MAST4: variants seen among roughly 807,000 people sequenced by gnomAD.
MAST4 encodes microtubule associated serine/threonine kinase family member 4.
MAST4 carries 89 observed loss-of-function variants against 162.7 expected under a neutral mutation model. The observed-to-expected ratio is 0.55, with a 90% CI of 0.46 to 0.65. The LOEUF is 0.65. MAST4 is among the 30% of genes least tolerant of loss of function. The pLI, the probability that MAST4 is intolerant of heterozygous loss-of-function variation, is 0.00. For missense variants in MAST4, 3,153 were observed against 3,374.0 expected (o/e 0.93, Z 1.62); for synonymous variants, 1,479 against 1,361.1 (o/e 1.09, Z -1.91).
At chr5:67,154,076 G>C (rs1488790815) in intron 26 of MAST4, among the ~76,000 whole-genome samples, 2 of 152,314 alleles carry the variant, frequency 1.3e-5, no homozygotes, top group East Asian at 3.9e-4. Flanking sequence ...AGAAGTTCTA[G>C]CAATTATTAG....
intron 4 of MAST4, among the ~76,000 whole-genome samples, chr5:66,950,753 A>G (rs1358094103): frequency 1.3e-5 from 2 of 152,160 alleles, no homozygotes; most frequent in African/African-American, 4.8e-5. Context: ...GAAAATGGGT[A>G]TATACATATC....
intron 15 of MAST4, among the ~76,000 whole-genome samples, chr5:67,130,693 G>T (rs972987389): frequency 2.0e-5 from 3 of 152,124 alleles, no homozygotes; most frequent in East Asian, 1.9e-4. Flanking sequence ...GGTCATTAAA[G>T]TTGGAATATA....
intron 4 of MAST4, among the ~76,000 whole-genome samples, chr5:66,989,395 G>T (rs1047713686): frequency 6.6e-6 from 1 of 152,198 alleles, no homozygotes; most frequent in Non-Finnish European, 1.5e-5. Context: ...TGTCTTCAGA[G>T]TGGTTTGACC....
chr5:66,799,537 C>A (rs548353542), intron 3 of MAST4, among the ~76,000 whole-genome samples: 12 of 152,112 alleles, frequency 7.9e-5, no homozygotes, highest in African/African-American at 2.9e-4. Context: ...GATGAAATAT[C>A]ATGGACTTAT....
intron 27 of MAST4, among the ~76,000 whole-genome samples, chr5:67,162,225 T>C (rs1773259691): frequency 6.6e-6 from 1 of 152,234 alleles, no homozygotes; most frequent in Non-Finnish European, 1.5e-5. Context: ...CTTCCAGAGG[T>C]TTACTTTGTA....
intron 5 of MAST4, among the ~76,000 whole-genome samples, chr5:67,087,299 A>C (rs1339145350): frequency 1.3e-5 from 2 of 152,106 alleles, no homozygotes; most frequent in African/African-American, 4.8e-5. Flanking sequence ...TGCCCACCAG[A>C]ATATCCTTTC....
chr5:66,893,165 C>G (rs993326084), intron 3 of MAST4, among the ~76,000 whole-genome samples: 1 of 151,898 alleles, frequency 6.6e-6, no homozygotes, highest in Non-Finnish European at 1.5e-5. Context: ...TTTGTTTTAG[C>G]CTTTTGTGGT....
intron 1 of MAST4, among the ~76,000 whole-genome samples, chr5:66,694,182 C>G (rs1337315987): frequency 2.0e-5 from 3 of 152,134 alleles, no homozygotes; most frequent in Non-Finnish European, 2.9e-5. Context: ...ATTTGAATTT[C>G]TTGGAATAGA....
chr5:66,987,912 T>A (rs1749692848), intron 4 of MAST4, among the ~76,000 whole-genome samples: 1 of 152,214 alleles, frequency 6.6e-6, no homozygotes. Flanking sequence ...AGTTACAACG[T>A]GGTTGCGTTT....
chr5:66,640,417 C>G (rs1196953043), intron 1 of MAST4, among the ~76,000 whole-genome samples: 1 of 151,860 alleles, frequency 6.6e-6, no homozygotes, highest in African/African-American at 2.4e-5. Flanking sequence ...ATGCCATTCT[C>G]CTGCCTCAGC....
chr5:66,927,044 A>T (rs1241629371), intron 4 of MAST4, among the ~76,000 whole-genome samples: 1 of 152,226 alleles, frequency 6.6e-6, no homozygotes, highest in Non-Finnish European at 1.5e-5. Context: ...ATTTAAAAAA[A>T]TAAAATCTGG....
intron 1 of MAST4, among the ~76,000 whole-genome samples, chr5:66,684,653 C>T (rs182476093): frequency 1.2e-4 from 18 of 152,342 alleles, no homozygotes; most frequent in Non-Finnish European, 5.9e-5. Flanking sequence ...ATTAATCACA[C>T]ATGTAAAATG....
At chr5:66,847,820 C>CAAAAAAA (rs777825639) in intron 3 of MAST4, among the ~76,000 whole-genome samples, 983 of 53,978 alleles carry the variant, frequency 0.018, 85 homozygotes, top group African/African-American at 0.041. Flanking sequence ...GACTCCTTCT[C>CAAAAAAA]AAAAAAAAAA....
At chr5:66,955,972 GTTTT>G (rs111420654) in intron 4 of MAST4, among the ~76,000 whole-genome samples, 10,529 of 145,114 alleles carry the variant, frequency 0.073, 1,157 homozygotes, top group African/African-American at 0.24. Flanking sequence ...GTCTTTTAAG[GTTTT>G]TTTTTTTGTT....
chr5:67,103,101 G>A (rs925658833), intron 9 of MAST4, among the ~76,000 whole-genome samples: 1 of 152,192 alleles, frequency 6.6e-6, no homozygotes, highest in African/African-American at 2.4e-5. Flanking sequence ...TAATTTAGAA[G>A]AGAAGGCACA....
intron 1 of MAST4, among the ~76,000 whole-genome samples, chr5:66,648,161 A>G (rs915093651): frequency 4.7e-5 from 7 of 150,028 alleles, no homozygotes; most frequent in African/African-American, 1.5e-4. Context: ...TTTAGGCCAT[A>G]ATATATAAAA....
At chr5:67,088,672 G>A (rs567365304) in intron 5 of MAST4, among the ~76,000 whole-genome samples, 4 of 152,112 alleles carry the variant, frequency 2.6e-5, no homozygotes, top group Non-Finnish European at 5.9e-5. Context: ...GGCAAAAGCA[G>A]AATTCATTTC....
chr5:66,836,968 A>G (rs1478922104), intron 3 of MAST4, among the ~76,000 whole-genome samples: 1 of 151,796 alleles, frequency 6.6e-6, no homozygotes, highest in African/African-American at 2.4e-5. Flanking sequence ...AATGTGCATC[A>G]TACACAGATA....
chr5:67,149,060 A>G (rs1771455909), intron 23 of MAST4, among the ~76,000 whole-genome samples: 1 of 152,196 alleles, frequency 6.6e-6, no homozygotes, highest in Non-Finnish European at 1.5e-5. Context: ...TAGGGGCACC[A>G]GAATTATCTC....
Sources: gnomAD v4.1 joint callset for allele counts (sites outside exome capture counted in the v4.1 genomes callset) on GRCh38, gnomAD v4.1.1 for gene constraint, MANE v1.5 for transcripts, NCBI Gene and HGNC (gene_info 2026-07-23, HGNC 2026-07-21) for gene names.